Variants in AMZ2 observed in about 807,000 individuals in gnomAD.
The protein encoded by AMZ2 is archaelysin family metallopeptidase 2, also known as archaemetzincin-2.
Under a neutral mutation model 36.7 loss-of-function variants are expected in AMZ2, and 26 were observed. That is an observed-to-expected ratio of 0.71 (90% CI 0.52 to 0.98). AMZ2 has a LOEUF of 0.98. AMZ2 is among the 50% of genes least tolerant of loss of function. The pLI, the probability that AMZ2 is intolerant of heterozygous loss-of-function variation, is 0.00. For missense variants in AMZ2, 394 were observed against 430.5 expected (o/e 0.92, Z 0.75); for synonymous variants, 144 against 149.1 (o/e 0.97, Z 0.25).
In AMZ2 at chr17:68,209,525, G is replaced by A. The variant is rs2072952251; in HGVS notation, c.-67+3287G>A. Among the ~76,000 whole-genome samples, 5 of 151,248 alleles carry A rather than the reference G, an allele frequency of 3.3e-5. No homozygotes were observed. The South Asian group carries it at 8.4e-4, about 25-fold the overall frequency. On this transcript the variant is annotated intron_variant, in intron 1 of 7. Coordinates refer to the AMZ2 transcript ENST00000674770. ...TGTGTCTTGTATTTTGCATGCAAGCGTGTGTTAGTGATGGACTTCTTTTGT... is the reference window on the plus strand; with the variant it reads ...TGTGTCTTGTATTTTGCATGCAAGCATGTGTTAGTGATGGACTTCTTTTGT...
At chr17:68,219,163 C>T (rs782457687) in intron 1 of AMZ2, among the ~76,000 whole-genome samples, 3 of 152,142 alleles carry the variant, frequency 2.0e-5, no homozygotes, top group Non-Finnish European at 2.9e-5. Context: ...GACAGGGTTT[C>T]ACCATGTTGG....
rs797022843 is a variant in AMZ2 at position 68,221,226 on chromosome 17, C to T, written c.-67+14988C>T. 9.7e-5 allele frequency among the ~76,000 whole-genome samples: 11 copies of T among 113,186 alleles called. 2 individuals are homozygous for T. The highest frequency in any genetic ancestry group is 1.5e-4 in the African/African-American group (4 of 26,840). The allele number at this position is 113,186 out of a possible 152,430, so 74.3% of individuals were successfully genotyped here. The stretch of plus-strand genomic sequence containing the variant: ...CCCTCAGCTCCCCCCCCCGCCCCCC[C>T]GGTAGCTAGGACCCCAAGTGCATGC... On this transcript the variant is annotated intron_variant, in intron 1 of 7. Coordinates refer to the AMZ2 transcript ENST00000674770.
intron 1 of AMZ2, among the ~76,000 whole-genome samples, chr17:68,228,618 C>T (rs1478176160): frequency 2.0e-5 from 3 of 152,230 alleles, no homozygotes; most frequent in Non-Finnish European, 2.9e-5. Context: ...TTTGGGTCAC[C>T]CCTGTGGAGA....
At chr17:68,228,093 T>C (rs146160343) in intron 1 of AMZ2, among the ~76,000 whole-genome samples, 12,570 of 151,990 alleles carry the variant, frequency 0.083, 714 homozygotes, top group Non-Finnish European at 0.12. Context: ...CTTGTCTCCT[T>C]CAAGCTCCCC....
Position 68,250,971 on chromosome 17 carries a change from A to C in AMZ2, c.457+4A>C. The C allele has an allele frequency of 6.2e-7, 1 of 1,612,134 alleles. No individual in the cohort carries two copies. Among genetic ancestry groups the C allele is most frequent in the Non-Finnish European group, 8.5e-7 (1 of 1,179,522 alleles). ...CACAACCTACAAATTCATGCAGGTG[A>C]ATTACACGACTTTGCAATTCGAACT... On this transcript the variant is annotated splice_donor_region_variant and intron_variant, in intron 3 of 6. Transcript: ENST00000359904.
Position 68,235,784 on chromosome 17 carries a change from G to A in AMZ2, c.-66-12856G>A, listed in dbSNP as rs2073771846. Among the ~76,000 whole-genome samples, 1 of 152,170 alleles carries A rather than the reference G, an allele frequency of 6.6e-6. No homozygotes were observed. The highest frequency in any genetic ancestry group is 6.5e-5 in the Admixed American group (1 of 15,278). Reference sequence around the variant, plus strand: ...ACGTGCTGTGCCCTCAGCCTGGGCTGCCGTGGACTGGCCGTCCCTACCCCT... The same window carrying A: ...ACGTGCTGTGCCCTCAGCCTGGGCTACCGTGGACTGGCCGTCCCTACCCCT... On this transcript the variant is annotated intron_variant, in intron 1 of 7. Coordinates refer to the AMZ2 transcript ENST00000674770. The surrounding 1 kb of genome is among the most constrained non-coding windows in gnomAD (Gnocchi z 4.2).
rs112952864 is a variant in AMZ2, at chr17:68,254,768, A to T, written c.750+201A>T. Among the ~76,000 whole-genome samples the T allele has an allele frequency of 6.3e-3, 963 of 152,306 alleles. 11 individuals carry two copies. Among genetic ancestry groups the T allele is most frequent in the African/African-American group, 0.021 (883 of 41,562 alleles). On this transcript the variant is annotated intron_variant, in intron 5 of 6. Coordinates refer to ENST00000359904, the MANE Select transcript of AMZ2 (RefSeq NM_016627.5). Reference sequence around the variant, plus strand: ...TATTGAAATTTACAATATCAGTGCCAGTTTTTCTGTACTACTAGTTACAGC... The same window carrying T: ...TATTGAAATTTACAATATCAGTGCCTGTTTTTCTGTACTACTAGTTACAGC...
rs114857492 is a variant in AMZ2 at position 68,213,493 on chromosome 17, A to T, written c.-67+7255A>T. 6.0e-3 allele frequency among the ~76,000 whole-genome samples: 910 copies of T among 152,316 alleles called. 5 individuals carry two copies. The highest frequency in any genetic ancestry group is 0.021 in the African/African-American group (863 of 41,576). ...CAGAGCAGGGAATGGAAAGGAGAGTAGAAACTTTATCAATGTGCTGTCGAG... is the reference window on the plus strand; with the variant it reads ...CAGAGCAGGGAATGGAAAGGAGAGTTGAAACTTTATCAATGTGCTGTCGAG... On this transcript the variant is annotated intron_variant, in intron 1 of 7. Transcript: ENST00000674770.
chr17:68,234,897 C>T lies in AMZ2; in HGVS notation c.-66-13743C>T, dbSNP rs549260630. ...GGGCATTGCGGCGGGTGCCTGTAAT[C>T]CCAGCTACTCCGGAGGCTGAGGCAG... is the stretch of plus-strand genomic sequence containing the variant. On this transcript the variant is annotated intron_variant, in intron 1 of 7. Coordinates refer to the AMZ2 transcript ENST00000674770. Among the ~76,000 whole-genome samples, 969 of 152,078 alleles carry T rather than the reference C, an allele frequency of 6.4e-3. 10 individuals carry two copies. The highest frequency in any genetic ancestry group is 0.021 in the African/African-American group (889 of 41,480).
intron 1 of AMZ2, among the ~76,000 whole-genome samples, chr17:68,213,780 C>T (rs1347834714): frequency 2.6e-5 from 4 of 151,602 alleles, no homozygotes; most frequent in African/African-American, 9.7e-5. Context: ...GGTCTTCTGA[C>T]ATTCTTATCA....
In AMZ2 at chr17:68,248,071, G is replaced by A. The variant is rs146536009; in HGVS notation, c.-635G>A. ...GCGAAGGGACGCGGTGCGCATGCGC[G>A]TGAGGGCTGCCGCGGGTGGGTGGTA... On this transcript the variant is annotated 5_prime_UTR_variant, in exon 1 of 7. The change creates a new upstream start codon in the 5' untranslated region. Coordinates refer to ENST00000359904, the MANE Select transcript of AMZ2 (RefSeq NM_016627.5). 3.6e-3 allele frequency: 3,542 copies of A among 986,240 alleles called. 6 individuals are homozygous for A. Among genetic ancestry groups the A allele is most frequent in the Non-Finnish European group, 4.0e-3 (3,301 of 830,498 alleles). The allele number at this position is 986,240 out of a possible 1,614,324, so 61.1% of individuals were successfully genotyped here. A position where few individuals can be genotyped will look rare whatever the true frequency, so the allele number is the denominator to read the frequency against.
At chr17:68,226,455 G>A (rs1355749678) in intron 1 of AMZ2, among the ~76,000 whole-genome samples, 1 of 152,192 alleles carries the variant, frequency 6.6e-6, no homozygotes, top group Non-Finnish European at 1.5e-5. Context: ...CTCTTTCTCT[G>A]TTGTCCAGTC....
upstream of AMZ2, chr17:68,247,842 T>C (rs527885167): frequency 8.1e-6 from 8 of 985,462 alleles, no homozygotes; most frequent in Non-Finnish European, 9.6e-6. Flanking sequence ...AGCTGGGGCT[T>C]GTAGTCCCCT....
chr17:68,213,685 T>A (rs73995301), intron 1 of AMZ2, among the ~76,000 whole-genome samples: 1,609 of 152,342 alleles, frequency 0.011, 26 homozygotes, highest in African/African-American at 0.037. Context: ...TGTTTGATTC[T>A]GAGAACTTCT....
chr17:68,256,817 C>G lies in AMZ2; in HGVS notation c.931C>G (p.Leu311Val). 6.2e-7 allele frequency: 1 copy of G among 1,610,640 alleles called. No homozygotes were observed. The highest frequency in any genetic ancestry group is 1.1e-5 in the South Asian group (1 of 90,378). ...CGCATCTTTCATGTTTTTCCAGGCACTGGTGAGGTGGATTGATGATGAATC... is the reference window on the plus strand; with the variant it reads ...CGCATCTTTCATGTTTTTCCAGGCAGTGGTGAGGTGGATTGATGATGAATC... Reference protein sequence around the residue: ...GFSIVERYKALVRWIDDESSD... With the variant: ...GFSIVERYKAVVRWIDDESSD... The change falls in exon 7 of 7, where the codon CTG becomes GTG. Residue 311 changes from leucine to valine, a missense_variant. Physicochemically the swap from Leu to Val is conservative, Grantham distance 32. Coordinates refer to ENST00000359904, the MANE Select transcript of AMZ2 (RefSeq NM_016627.5).
intron 1 of AMZ2, among the ~76,000 whole-genome samples, chr17:68,220,258 G>GA (rs2073312599): frequency 6.6e-6 from 1 of 152,120 alleles, no homozygotes; most frequent in South Asian, 2.1e-4. Context: ...TTTATATGAA[G>GA]AAAAAACTTA....
At chr17:68,252,100 T>G (rs1419136037) in intron 4 of AMZ2, among the ~76,000 whole-genome samples, 1 of 152,020 alleles carries the variant, frequency 6.6e-6, no homozygotes, top group Non-Finnish European at 1.5e-5. Flanking sequence ...TCCCTAAGAA[T>G]CCAACACAGA....
In AMZ2 at chr17:68,248,117, G is replaced by GC. The variant is rs2034251469; in HGVS notation, c.-588dup. ...TGGTATCGAGGCCTGTCGGGTCAGG[G>GC]CGGTTCGCGGGTGCTGTCAGAGCTG... On this transcript the variant is annotated 5_prime_UTR_variant, in exon 1 of 7. The change abolishes the stop of an existing upstream ORF in the 5' untranslated region. Transcript: ENST00000359904. The GC allele has an allele frequency of 3.0e-6, 3 of 986,444 alleles. No homozygotes were observed. The African/African-American group carries it at 5.2e-5, about 17-fold the overall frequency. 61.1% of individuals were successfully genotyped at this position (986,444 alleles called of 1,614,324 possible).
chr17:68,236,020 G>T (rs1367004138), intron 1 of AMZ2, among the ~76,000 whole-genome samples: 4 of 152,010 alleles, frequency 2.6e-5, no homozygotes, highest in Non-Finnish European at 5.9e-5. Context: ...AGTACAGATG[G>T]GGTTTTGTTA....
Sources: allele counts gnomAD v4.1 joint callset (sites outside exome capture counted in the v4.1 genomes callset), GRCh38; gene constraint gnomAD v4.1.1; non-coding constraint Gnocchi (gnomAD v3.1); transcripts MANE v1.5; gene names NCBI Gene and HGNC (gene_info 2026-07-23, HGNC 2026-07-21).